CDR2L: variants seen among roughly 807,000 people sequenced by gnomAD.
CDR2L encodes the protein cerebellar degeneration-related protein 2-like.
Under a neutral mutation model 36.1 loss-of-function variants are expected in CDR2L, and 19 were observed. That is an observed-to-expected ratio of 0.53 (90% CI 0.37 to 0.77). The LOEUF is 0.77. Among genes scored for constraint, CDR2L ranks in the 30% least tolerant of loss-of-function variants. The pLI, the probability that CDR2L is intolerant of heterozygous loss-of-function variation, is 0.00. For missense variants in CDR2L, 575 were observed against 627.2 expected (o/e 0.92, Z 0.89); for synonymous variants, 285 against 280.4 (o/e 1.02, Z -0.16).
chr17:75,000,329 A>G (rs1414681687), intron 2 of CDR2L, among the ~76,000 whole-genome samples: 3 of 149,118 alleles, frequency 2.0e-5, no homozygotes, highest in African/African-American at 7.4e-5. Context: ...ATGGAGTCTC[A>G]CTCTGTCACC....
chr17:74,993,940 A>AGGCC (rs930240077), intron 1 of CDR2L, among the ~76,000 whole-genome samples: 1 of 152,172 alleles, frequency 6.6e-6, no homozygotes, highest in Admixed American at 6.5e-5. Context: ...CTTTATGTCC[A>AGGCC]GGCCCAGTGG....
intron 1 of CDR2L, 57 bp downstream of exon 1, chr17:74,988,179 G>A (rs1159750524): frequency 3.1e-6 from 4 of 1,282,974 alleles, no homozygotes; most frequent in Non-Finnish European, 4.2e-6. Context: ...ACCCCTGTCC[G>A]CTTCTCCATT....
At chr17:74,998,970 C>T (rs1009223468) in intron 1 of CDR2L, among the ~76,000 whole-genome samples, 3 of 152,198 alleles carry the variant, frequency 2.0e-5, no homozygotes, top group Admixed American at 6.5e-5. Context: ...TGATAAGCTA[C>T]GCTGTCTCAC....
chr17:75,001,639 G>T (rs1329176415), intron 3 of CDR2L, 150 bp downstream of exon 3: 2 of 772,266 alleles, frequency 2.6e-6, no homozygotes, highest in African/African-American at 3.5e-5. Flanking sequence ...ATTTTGTGTG[G>T]TTTAACATTC....
At chr17:74,998,978 C>T (rs2039846900) in intron 1 of CDR2L, among the ~76,000 whole-genome samples, 1 of 152,190 alleles carries the variant, frequency 6.6e-6, no homozygotes, top group Non-Finnish European at 1.5e-5. Flanking sequence ...TACGCTGTCT[C>T]ACCATGCGCT....
chr17:75,001,096 T>C (rs1211552839), intron 2 of CDR2L, among the ~76,000 whole-genome samples: 2 of 151,886 alleles, frequency 1.3e-5, no homozygotes, highest in Non-Finnish European at 2.9e-5. Context: ...TAGCCAGGCA[T>C]GGTGGCAGGC....
At chr17:74,999,059 T>A (rs1221709920) in intron 1 of CDR2L, among the ~76,000 whole-genome samples, 1 of 152,168 alleles carries the variant, frequency 6.6e-6, no homozygotes, top group South Asian at 2.1e-4. Flanking sequence ...GAAGAAGCCA[T>A]GCGGACACTC....
At chr17:74,997,063 TC>T (rs1284818262) in intron 1 of CDR2L, among the ~76,000 whole-genome samples, 65,011 of 109,644 alleles carry the variant, frequency 0.59, 20,388 homozygotes, top group East Asian at 0.78. Context: ...TTTCTTTCTT[TC>T]TTTCTTTCTT....
chr17:74,997,896 G>A (rs1480647810), intron 1 of CDR2L, among the ~76,000 whole-genome samples: 2 of 139,758 alleles, frequency 1.4e-5, no homozygotes, highest in Admixed American at 7.4e-5. Context: ...CTGTAATCCC[G>A]GCATAAAAAA....
At position 75,004,025 on chromosome 17, in the gene CDR2L, C is replaced by G. The variant is rs2039887581; in HGVS notation, c.1349C>G (p.Thr450Ser). 6.2e-7 allele frequency: 1 copy of G among 1,610,806 alleles called. No homozygotes were observed. Among genetic ancestry groups the G allele is most frequent in the African/African-American group, 1.3e-5 (1 of 74,870 alleles). ...FKEIFSRIQKTKADINATKVK... is the reference protein window; with the variant it reads ...FKEIFSRIQKSKADINATKVK... ...GAGATCTTCTCCAGGATCCAGAAGA[C>G]CAAGGCTGACATCAACGCCACCAAA... The change falls in exon 5 of 5, where the codon ACC (threonine) becomes AGC (serine). Residue 450 changes from threonine to serine, a missense_variant. Thr to Ser is a moderately conservative substitution (Grantham distance 58, BLOSUM62 1). Transcript: ENST00000337231.
chr17:74,988,183 C>A, intron 1 of CDR2L, 61 bp downstream of exon 1: 1 of 1,262,800 alleles, frequency 7.9e-7, no homozygotes, highest in Non-Finnish European at 1.1e-6. Flanking sequence ...CTGTCCGCTT[C>A]TCCATTGTTG....
chr17:75,002,042 G>GTGTC lies in CDR2L; in HGVS notation c.342-21_342-18dup, dbSNP rs2144867418. On this transcript the variant is annotated intron_variant, in intron 3 of 4. Coordinates refer to ENST00000337231, the MANE Select transcript of CDR2L (RefSeq NM_014603.3). This position sits in a 1 kb window ranked among gnomAD's most constrained non-coding sequence, Gnocchi z 4.1. ...GGCCCCATCCCCTTAAAGTCCCTGT[G>GTGTC]TGTCCACCACCCCGCCCCCAGGCTG... 1 of 1,543,162 alleles carries GTGTC rather than the reference G, an allele frequency of 6.5e-7. No homozygotes were observed. Among genetic ancestry groups the GTGTC allele is most frequent in the Non-Finnish European group, 8.7e-7 (1 of 1,150,560 alleles).
rs977718798 is a variant in CDR2L, at chr17:74,988,216, C to T, written c.79+94C>T. 3.2e-6 allele frequency: 3 copies of T among 927,442 alleles called. No individual in the cohort carries two copies. The African/African-American group carries it at 5.3e-5, about 16-fold the overall frequency. The allele number at this position is 927,442 out of a possible 1,614,324, so 57.5% of individuals were successfully genotyped here. ...TTGGGCGCTATCACCCCGGGAGGGG[C>T]TGGGCTGGACCGGGCGCGCCCGACT... On this transcript the variant is annotated intron_variant, in intron 1 of 4. Coordinates refer to ENST00000337231, the MANE Select transcript of CDR2L (RefSeq NM_014603.3).
At position 74,987,998 on chromosome 17, in the gene CDR2L, G is replaced by T. The variant is rs2039773726; in HGVS notation, c.-46G>T. The T allele has an allele frequency of 6.0e-6, 8 of 1,326,976 alleles. No homozygotes were observed. Among genetic ancestry groups the T allele is most frequent in the Non-Finnish European group, 7.1e-6 (7 of 985,312 alleles). The allele number at this position is 1,326,976 out of a possible 1,614,324, so 82.2% of individuals were successfully genotyped here. Reference sequence around the variant, plus strand: ...GCATTGTCCCGGGCCGCGCGCACCGGCCCTGAGCTGCGCCGCCGCAGCACC... The same window carrying T: ...GCATTGTCCCGGGCCGCGCGCACCGTCCCTGAGCTGCGCCGCCGCAGCACC... On this transcript the variant is annotated 5_prime_UTR_variant, in exon 1 of 5. Coordinates refer to ENST00000337231, the MANE Select transcript of CDR2L (RefSeq NM_014603.3).
At chr17:75,001,602 G>A (rs192458125) in intron 3 of CDR2L, 113 bp downstream of exon 3, 2 of 1,008,870 alleles carry the variant, frequency 2.0e-6, no homozygotes, top group East Asian at 2.8e-5. Flanking sequence ...CTAGGAACCG[G>A]GGATGGGAGT....
Position 75,004,879 on chromosome 17 carries a change from G to A in CDR2L, c.*805G>A, listed in dbSNP as rs764546250. On this transcript the variant is annotated 3_prime_UTR_variant, in exon 5 of 5. Transcript: ENST00000337231. Reference sequence around the variant, plus strand: ...GGCCTTAAGCTTTCCAGGGGCCGGGGCAGTGGGGAGCCCCCATCCCTTCAC... The same window carrying A: ...GGCCTTAAGCTTTCCAGGGGCCGGGACAGTGGGGAGCCCCCATCCCTTCAC... 2 of 153,206 alleles carry A rather than the reference G, an allele frequency of 1.3e-5. No individual in the cohort carries two copies. Among genetic ancestry groups the A allele is most frequent in the African/African-American group, 2.4e-5 (1 of 41,460 alleles). 9.5% of individuals were successfully genotyped at this position (153,206 alleles called of 1,614,324 possible). A position where few individuals can be genotyped will look rare whatever the true frequency, so the allele number is the denominator to read the frequency against.
chr17:74,996,756 G>A (rs1477589845), intron 1 of CDR2L, among the ~76,000 whole-genome samples: 1 of 152,110 alleles, frequency 6.6e-6, no homozygotes, highest in Non-Finnish European at 1.5e-5. Flanking sequence ...GGGCTGTTGG[G>A]GGAAGAGGAT....
At chr17:74,998,883 G>A (rs1272066154) in intron 1 of CDR2L, among the ~76,000 whole-genome samples, 1 of 152,330 alleles carries the variant, frequency 6.6e-6, no homozygotes, top group Admixed American at 6.5e-5. Flanking sequence ...CAGTGGGGCT[G>A]GGAGGGCATC....
intron 1 of CDR2L, among the ~76,000 whole-genome samples, chr17:74,997,571 G>A (rs956000410): frequency 1.3e-5 from 2 of 151,992 alleles, no homozygotes; most frequent in African/African-American, 2.4e-5. Context: ...CTGGGTCCTG[G>A]GGATATTCAT....
Sources: gnomAD v4.1 joint callset for allele counts (sites outside exome capture counted in the v4.1 genomes callset) on GRCh38, gnomAD v4.1.1 for gene constraint, Gnocchi (gnomAD v3.1) non-coding constraint, MANE v1.5 for transcripts, NCBI Gene and HGNC (gene_info 2026-07-23, HGNC 2026-07-21) for gene names.